The following LTA4H variants were observed in gnomAD, a reference collection of about 807,000 sequenced individuals.
LTA4H encodes the protein leukotriene A-4 hydrolase.
Under a neutral mutation model 89.8 loss-of-function variants are expected in LTA4H, and 59 were observed. That is an observed-to-expected ratio of 0.66 (90% confidence interval 0.53 to 0.82). LTA4H has a LOEUF of 0.82. LTA4H is among the 40% of genes least tolerant of loss of function. LTA4H has a pLI of 0.00. For synonymous variants in LTA4H, 227 were observed against 253.1 expected (o/e 0.90, Z 0.98); for missense variants, 617 against 727.0 (o/e 0.85, Z 1.74).
rs1427903403 is a variant in LTA4H, at chr12:96,002,469, G to T, written c.1718+491C>A. On this transcript the variant is annotated intron_variant, in intron 18 of 18. Coordinates refer to ENST00000228740, the MANE Select transcript of LTA4H (RefSeq NM_000895.3). ...TTTGGACAAAATTCATAAAGACCTTGACTGAGATATTCTTGTATCTTGCTG... is the reference window on the plus strand; with the variant it reads ...TTTGGACAAAATTCATAAAGACCTTTACTGAGATATTCTTGTATCTTGCTG... Among the ~76,000 whole-genome samples the T allele has an allele frequency of 5.9e-5, 9 of 152,116 alleles. No individual in the cohort carries two copies. In the South Asian group the frequency reaches 1.7e-3, roughly 28 times the overall value.
At chr12:96,020,022 G>T (rs150959620) in intron 6 of LTA4H, among the ~76,000 whole-genome samples, 1,622 of 151,334 alleles carry the variant, frequency 0.011, 28 homozygotes, top group African/African-American at 0.037. Context: ...TCCCACCTCA[G>T]CCTTCTGAGT....
intron 4 of LTA4H, among the ~76,000 whole-genome samples, chr12:96,023,781 C>A (rs1443126465): frequency 2.0e-5 from 3 of 152,142 alleles, no homozygotes; most frequent in African/African-American, 7.2e-5. Flanking sequence ...AATATATGCC[C>A]ACTAGGCTTA....
At chr12:96,036,236 T>C (rs1414549840), upstream of LTA4H, among the ~76,000 whole-genome samples, 1 of 152,200 alleles carries the variant, frequency 6.6e-6, no homozygotes, top group East Asian at 1.9e-4. Flanking sequence ...TAGAAACTAA[T>C]GAATTTCTAT....
chr12:96,005,645 T>C (rs1950186040), intron 16 of LTA4H, among the ~76,000 whole-genome samples: 1 of 152,176 alleles, frequency 6.6e-6, no homozygotes, highest in African/African-American at 2.4e-5. Flanking sequence ...AAAGCAAGTC[T>C]CCTCCAAAAT....
chr12:96,026,651 C>A (rs1592894302), intron 3 of LTA4H, among the ~76,000 whole-genome samples: 1 of 152,210 alleles, frequency 6.6e-6, no homozygotes, highest in South Asian at 2.1e-4. Context: ...ATGCTAATTC[C>A]TTTTTTAAAT....
chr12:96,016,293 C>A, intron 10 of LTA4H, among the ~76,000 whole-genome samples: 1 of 102,682 alleles, frequency 9.7e-6, no homozygotes. Flanking sequence ...AGTGAGACTC[C>A]ATCTCAAAAA....
rs938559738 is a variant in LTA4H at position 96,002,786 on chromosome 12, G to A, written c.1718+174C>T. ...CCATATATAATGCTTCTAAAAAGAG[G>A]AATGAAATTATTTCACATTTTAAAT... On this transcript the variant is annotated intron_variant, in intron 18 of 18. Transcript: ENST00000228740. 2.9e-4 allele frequency among the ~76,000 whole-genome samples: 44 copies of A among 152,084 alleles called. 1 individual carries two copies. The highest frequency in any genetic ancestry group is 5.6e-4 in the Non-Finnish European group (38 of 68,022).
intron 1 of LTA4H, among the ~76,000 whole-genome samples, chr12:96,035,118 A>G (rs915707369): frequency 6.6e-6 from 1 of 152,178 alleles, no homozygotes. Context: ...AGACATACGT[A>G]TAAGTGGGGG....
chr12:96,023,116 T>C lies in LTA4H; in HGVS notation c.481-865A>G, dbSNP rs529644589. Reference sequence around the variant, plus strand: ...TGCCAGAATAAAGGACTCCCCCAAGTATTAATGATCAAACAAGAATATATT... The same window carrying C: ...TGCCAGAATAAAGGACTCCCCCAAGCATTAATGATCAAACAAGAATATATT... On this transcript the variant is annotated intron_variant, in intron 4 of 18. Coordinates refer to ENST00000228740, the MANE Select transcript of LTA4H (RefSeq NM_000895.3). Among the ~76,000 whole-genome samples the C allele has an allele frequency of 7.2e-5, 11 of 152,312 alleles. 1 individual carries two copies. Among genetic ancestry groups the C allele is most frequent in the Admixed American group, 4.6e-4 (7 of 15,306 alleles).
Position 96,018,987 on chromosome 12 carries a change from G to A in LTA4H, c.712-84C>T, listed in dbSNP as rs555434741. 287 of 1,315,816 alleles carry A rather than the reference G, an allele frequency of 2.2e-4. 2 individuals carry two copies. In the African/African-American group the frequency reaches 3.8e-3, roughly 18 times the overall value. The allele number at this position is 1,315,816 out of a possible 1,614,324, so 81.5% of individuals were successfully genotyped here. A position where few individuals can be genotyped will look rare whatever the true frequency, so the allele number is the denominator to read the frequency against. On this transcript the variant is annotated intron_variant, in intron 7 of 18. Transcript: ENST00000228740. ...AAAATTGTATATTGCTTTCTATGAA[G>A]GTTACAAGTTAATGATTTTTATGTT...
At chr12:96,004,051 TA>T in intron 16 of LTA4H, 131 bp from the exon 17 acceptor site, 1 of 444,114 alleles carries the variant, frequency 2.3e-6, no homozygotes, top group South Asian at 4.8e-5. Context: ...CAGATAAAAA[TA>T]AAAGAAACAA....
At chr12:96,023,792 T>C (rs569896426) in intron 4 of LTA4H, among the ~76,000 whole-genome samples, 1 of 152,362 alleles carries the variant, frequency 6.6e-6, no homozygotes, top group East Asian at 1.9e-4. Context: ...ACTAGGCTTA[T>C]ATGGCTACAG....
chr12:96,017,331 T>C (rs567870232), intron 9 of LTA4H, among the ~76,000 whole-genome samples: 2 of 152,036 alleles, frequency 1.3e-5, no homozygotes, highest in African/African-American at 4.8e-5. Context: ...ACTTAGAAAA[T>C]ATTAAATAGA....
chr12:96,008,282 A>T (rs1020801429), intron 15 of LTA4H, among the ~76,000 whole-genome samples: 1 of 152,200 alleles, frequency 6.6e-6, no homozygotes, highest in Admixed American at 6.5e-5. Flanking sequence ...TTCATTAAAG[A>T]ATTATCAAGG....
chr12:96,015,057 A>G, intron 11 of LTA4H, 58 bp from the exon 12 acceptor site: 2 of 1,505,672 alleles, frequency 1.3e-6, no homozygotes, highest in Non-Finnish European at 1.8e-6. Context: ...CACCACGCAA[A>G]TAAGCTAATA....
rs755743616 is a variant in LTA4H at position 96,002,972 on chromosome 12, C to T, written c.1706G>A (p.Arg569Gln). Residue 569 changes from arginine to glutamine, a missense_variant, in exon 18 of 19, where the codon CGG becomes CAG. Arg to Gln is a conservative substitution (Grantham distance 43). Around this residue, in one of 3 missense-constraint regions of LTA4H, gnomAD observed 290 missense variants for 339.1 expected, o/e 0.86. Coordinates refer to ENST00000228740, the MANE Select transcript of LTA4H (RefSeq NM_000895.3). ...AGTGGGTTCTTACTTGAATAAGGGCCGGGTAAACTTCATTCTTCCTTGTTC... is the reference window on the plus strand; with the variant it reads ...AGTGGGTTCTTACTTGAATAAGGGCTGGGTAAACTTCATTCTTCCTTGTTC... ...ATEQGRMKFT[R>Q]PLFKDLAAFD... The T allele has an allele frequency of 8.1e-6, 13 of 1,597,374 alleles. No individual in the cohort carries two copies. Among genetic ancestry groups the T allele is most frequent in the South Asian group, 1.1e-5 (1 of 88,390 alleles).
intron 1 of LTA4H, 83 bp from the exon 2 acceptor site, chr12:96,029,268 G>C (rs1278053165): frequency 1.9e-5 from 13 of 698,524 alleles, no homozygotes; most frequent in Non-Finnish European, 2.7e-5. Context: ...ACAACAACTA[G>C]TTGCTTATGG....
upstream of LTA4H, among the ~76,000 whole-genome samples, chr12:96,035,924 CG>C (rs1030257721): frequency 2.6e-5 from 4 of 152,016 alleles, no homozygotes; most frequent in African/African-American, 7.3e-5. Flanking sequence ...TGGTGGCAAA[CG>C]TAAGAAAATC....
rs191014377 is a variant in LTA4H, at chr12:96,024,658, C to A, written c.412-111G>T. The stretch of plus-strand genomic sequence containing the variant: ...TAGACATTAAAATAAAAACAGTCCT[C>A]ATTTCTTGGGATTTTTTTTTTTTTT... On this transcript the variant is annotated intron_variant, in intron 3 of 18. Transcript: ENST00000228740. 8.2e-5 allele frequency: 51 copies of A among 619,530 alleles called. 1 individual carries two copies. In the Admixed American group the frequency reaches 1.1e-3, roughly 13 times the overall value. 38.4% of individuals were successfully genotyped at this position (619,530 alleles called of 1,614,324 possible). A position where few individuals can be genotyped will look rare whatever the true frequency, so the allele number is the denominator to read the frequency against.
Sources: allele counts gnomAD v4.1 joint callset (sites outside exome capture counted in the v4.1 genomes callset), GRCh38; gene constraint gnomAD v4.1.1; regional missense constraint gnomAD v4.1.1; transcripts MANE v1.5; gene names NCBI Gene and HGNC (gene_info 2026-07-23, HGNC 2026-07-21).